The following IGF2BP1 variants were observed in gnomAD, a reference collection of about 807,000 sequenced individuals.
IGF2BP1 encodes insulin like growth factor 2 mRNA binding protein 1.
IGF2BP1 carries 11 observed loss-of-function variants against 74.9 expected under a neutral mutation model. That is an observed-to-expected ratio of 0.15 (90% CI 0.09 to 0.24). IGF2BP1 has a LOEUF of 0.24. IGF2BP1 is among the 10% of genes least tolerant of loss of function. The pLI, the probability that IGF2BP1 is intolerant of heterozygous loss-of-function variation, is 1.00. For missense variants in IGF2BP1, 440 were observed against 757.4 expected (o/e 0.58, Z 4.92); for synonymous variants, 287 against 281.8 (o/e 1.02, Z -0.18).
At chr17:49,044,147 C>A in intron 11 of IGF2BP1, 61 bp downstream of exon 11, 1 of 1,581,616 alleles carries the variant, frequency 6.3e-7, no homozygotes, top group Non-Finnish European at 8.6e-7. Context: ...TTTTATCACT[C>A]TGCACTTTCT....
chr17:49,001,544 AATTT>A (rs1022240105), intron 2 of IGF2BP1, among the ~76,000 whole-genome samples: 14 of 152,266 alleles, frequency 9.2e-5, no homozygotes, highest in Admixed American at 3.9e-4. Flanking sequence ...TCTTAGTTTG[AATTT>A]ATTTGATACA....
At position 49,031,987 on chromosome 17, in the gene IGF2BP1, G is replaced by GA; in HGVS notation, c.401+16dup. ...GCAGACCAGGCAGTGAGTGGGCTGG[G>GA]AAGTGGGGCTGGGTGCGGTGGGGGG... On this transcript the variant is annotated intron_variant, in intron 5 of 14. Coordinates refer to ENST00000290341, the MANE Select transcript of IGF2BP1 (RefSeq NM_006546.4). 1 of 1,479,240 alleles carries GA rather than the reference G, an allele frequency of 6.8e-7. No individual in the cohort carries two copies. The highest frequency in any genetic ancestry group is 1.7e-5 in the Admixed American group (1 of 59,260). The allele number at this position is 1,479,240 out of a possible 1,614,324, so 91.6% of individuals were successfully genotyped here.
At chr17:49,026,699 T>TCCTG (rs541533015) in intron 4 of IGF2BP1, among the ~76,000 whole-genome samples, 182 bp downstream of exon 4, 6 of 107,034 alleles carry the variant, frequency 5.6e-5, no homozygotes, top group Admixed American at 8.9e-5. Flanking sequence ...CTTCCTGCCT[T>TCCTG]CCTGCCTTCC....
At chr17:49,015,388 C>A (rs1936906816) in intron 2 of IGF2BP1, among the ~76,000 whole-genome samples, 1 of 152,236 alleles carries the variant, frequency 6.6e-6, no homozygotes, top group African/African-American at 2.4e-5. Context: ...TTCCTGCCCC[C>A]CACCTTTCCC....
At chr17:49,045,336 A>G (rs898277210) in intron 12 of IGF2BP1, among the ~76,000 whole-genome samples, 1 of 152,244 alleles carries the variant, frequency 6.6e-6, no homozygotes, top group Non-Finnish European at 1.5e-5. Context: ...CTCTGCTGTC[A>G]TTTCTAAGGA....
chr17:49,031,080 C>T (rs1339642778), intron 4 of IGF2BP1, among the ~76,000 whole-genome samples: 2 of 152,158 alleles, frequency 1.3e-5, no homozygotes, highest in Non-Finnish European at 2.9e-5. Flanking sequence ...TGGGAACCGG[C>T]TGAGGAAATT....
rs182662567 is a variant in IGF2BP1 at position 49,053,482 on chromosome 17, C to G, written c.*4038C>G. ...GTAGGGAGCCGAGAAATTGGTCTGT[C>G]GGCTCCTGGTTGCACTTTGGGGAAG... is the stretch of plus-strand genomic sequence containing the variant. On this transcript the variant is annotated 3_prime_UTR_variant, in exon 15 of 15. Coordinates refer to ENST00000290341, the MANE Select transcript of IGF2BP1 (RefSeq NM_006546.4). 1.3e-5 allele frequency: 2 copies of G among 153,050 alleles called. No individual in the cohort carries two copies. The highest frequency in any genetic ancestry group is 1.9e-4 in the East Asian group (1 of 5,192). The allele number at this position is 153,050 out of a possible 1,614,324, so 9.5% of individuals were successfully genotyped here.
chr17:49,029,794 A>AT lies in IGF2BP1; in HGVS notation c.338-2098dup, dbSNP rs34684271. Among the ~76,000 whole-genome samples, 585 of 134,380 alleles carry AT rather than the reference A, an allele frequency of 4.4e-3. 5 individuals carry two copies. The highest frequency in any genetic ancestry group is 0.042 in the East Asian group (190 of 4,530). 88.2% of individuals were successfully genotyped at this position (134,380 alleles called of 152,430 possible). ...TGGTGTTTACTACTGCACCCGGCTGATTTTTTTTTTTTTTTTTTAATTTTT... is the reference window on the plus strand; with the variant it reads ...TGGTGTTTACTACTGCACCCGGCTGATTTTTTTTTTTTTTTTTTTAATTTTT... On this transcript the variant is annotated intron_variant, in intron 4 of 14. Coordinates refer to ENST00000290341, the MANE Select transcript of IGF2BP1 (RefSeq NM_006546.4).
At chr17:49,019,803 G>A (rs1353703583) in intron 2 of IGF2BP1, among the ~76,000 whole-genome samples, 1 of 149,542 alleles carries the variant, frequency 6.7e-6, no homozygotes, top group Non-Finnish European at 1.5e-5. Context: ...GAGTGCAATG[G>A]TGCCATCTCG....
At chr17:49,040,241 T>G (rs2042035831) in intron 7 of IGF2BP1, 150 bp downstream of exon 7, 2 of 938,914 alleles carry the variant, frequency 2.1e-6, no homozygotes, top group Non-Finnish European at 3.2e-6. Context: ...TCTTTCTTCT[T>G]ACAGGACTTT....
At chr17:49,026,043 C>T (rs1244374950) in intron 3 of IGF2BP1, among the ~76,000 whole-genome samples, 1 of 151,796 alleles carries the variant, frequency 6.6e-6, no homozygotes, top group Non-Finnish European at 1.5e-5. Context: ...TTATTGGAGA[C>T]AGGGTTTCAC....
chr17:49,022,107 A>C (rs1233746217), intron 2 of IGF2BP1, among the ~76,000 whole-genome samples: 2 of 152,138 alleles, frequency 1.3e-5, no homozygotes, highest in Non-Finnish European at 2.9e-5. Context: ...AGCCTTATTC[A>C]AGTTTCATAG....
intron 2 of IGF2BP1, among the ~76,000 whole-genome samples, chr17:49,022,362 A>AG (rs1421164313): frequency 1.3e-5 from 2 of 152,230 alleles, no homozygotes; most frequent in Non-Finnish European, 2.9e-5. Flanking sequence ...AACCGGGCCA[A>AG]GGGCTTAAAA....
At chr17:48,996,689 C>T (rs951229920), upstream of IGF2BP1, among the ~76,000 whole-genome samples, 14 of 152,194 alleles carry the variant, frequency 9.2e-5, no homozygotes, top group African/African-American at 2.7e-4. Context: ...AACAGCCGGA[C>T]CCCGGGTGCG....
At chr17:49,032,756 C>T (rs142723678) in intron 5 of IGF2BP1, among the ~76,000 whole-genome samples, 106 of 152,198 alleles carry the variant, frequency 7.0e-4, no homozygotes, top group African/African-American at 2.4e-3. Context: ...CCCTTGTGGC[C>T]ACTAGGGTTT....
At chr17:49,003,163 C>T (rs1352243854) in intron 2 of IGF2BP1, among the ~76,000 whole-genome samples, 1 of 152,138 alleles carries the variant, frequency 6.6e-6, no homozygotes, top group Non-Finnish European at 1.5e-5. Context: ...AATTATGTTT[C>T]AGAGATTAAA....
chr17:49,008,357 T>G lies in IGF2BP1; in HGVS notation c.236+9188T>G, dbSNP rs576793746. ...GGGTCTTCCTACAACTTATTTAAAC[T>G]TATTTAAAATCTAGCTGACTGAGGT... On this transcript the variant is annotated intron_variant, in intron 2 of 14. Coordinates refer to ENST00000290341, the MANE Select transcript of IGF2BP1 (RefSeq NM_006546.4). 2.0e-5 allele frequency among the ~76,000 whole-genome samples: 3 copies of G among 152,328 alleles called. No homozygotes were observed. The East Asian group carries it at 5.8e-4, about 29-fold the overall frequency.
intron 5 of IGF2BP1, chr17:49,037,033 G>GTGAA (rs2041997782): frequency 4.4e-6 from 1 of 226,544 alleles, no homozygotes; most frequent in Non-Finnish European, 9.3e-6. Flanking sequence ...GCTATGGAGG[G>GTGAA]GTTTCAGTTG....
intron 8 of IGF2BP1, 67 bp from the exon 9 acceptor site, chr17:49,042,175 C>T: frequency 6.2e-7 from 1 of 1,604,376 alleles, no homozygotes; most frequent in Non-Finnish European, 8.5e-7. Flanking sequence ...GGCCTCTCGT[C>T]TTTGTTACTG....
Sources: gnomAD v4.1 joint callset for allele counts (sites outside exome capture counted in the v4.1 genomes callset) on GRCh38, gnomAD v4.1.1 for gene constraint, MANE v1.5 for transcripts, NCBI Gene and HGNC (gene_info 2026-07-23, HGNC 2026-07-21) for gene names.